Variants in PFKP observed in about 807,000 individuals in gnomAD.
The protein encoded by PFKP is ATP-dependent 6-phosphofructokinase, platelet type.
PFKP carries 101 observed loss-of-function variants against 94.3 expected under a neutral mutation model. The ratio of observed to expected loss-of-function variants is 1.07; its 90% CI spans 0.91 to 1.26. The LOEUF is 1.26. PFKP is among the 50% of genes most tolerant of loss of function. PFKP has a pLI of 0.00. For synonymous variants in PFKP, 573 were observed against 432.6 expected, an observed-to-expected ratio of 1.32 and a Z score of -4.03; for missense variants, 1,145 against 1,103.3, an observed-to-expected ratio of 1.04 and a Z score of -0.53.
chr10:3,091,635 C>T (rs1210018180), intron 2 of PFKP, among the ~76,000 whole-genome samples: 8 of 152,004 alleles, frequency 5.3e-5, no homozygotes, highest in South Asian at 4.2e-4. Context: ...GCCAACATGA[C>T]GAAACTCCGT....
rs978177809 is a variant in PFKP at position 3,088,977 on chromosome 10, G to A, written c.186+6516G>A. Among the ~76,000 whole-genome samples, 8 of 152,188 alleles carry A rather than the reference G, an allele frequency of 5.3e-5. No individual in the cohort carries two copies. The Middle Eastern group carries it at 0.01, about 194-fold the overall frequency. ...TACAGAGTTTTGCTCTGTTGCCCAG[G>A]CTGGAGTGCAATGGCCCAGTCTTCG... On this transcript the variant is annotated intron_variant, in intron 2 of 21. Transcript: ENST00000381125.
intron 1 of PFKP, among the ~76,000 whole-genome samples, chr10:3,081,901 A>G (rs948193960): frequency 1.4e-5 from 2 of 144,194 alleles, no homozygotes; most frequent in African/African-American, 2.6e-5. Context: ...AGGTATGGTT[A>G]TTTGTAATAT....
At chr10:3,079,455 C>A (rs899329125) in intron 1 of PFKP, among the ~76,000 whole-genome samples, 4 of 151,956 alleles carry the variant, frequency 2.6e-5, no homozygotes, top group Non-Finnish European at 5.9e-5. Flanking sequence ...AGGATGGTCT[C>A]GATCTCCTGA....
intron 16 of PFKP, among the ~76,000 whole-genome samples, chr10:3,126,328 TG>T (rs1259111713): frequency 2.6e-5 from 4 of 152,216 alleles, no homozygotes; most frequent in Non-Finnish European, 5.9e-5. Context: ...AGTGCTGTGG[TG>T]GTCTTGCAGA....
rs904532509 is a variant in PFKP, at chr10:3,116,918, G to A, written c.1442+72G>A. The A allele has an allele frequency of 6.2e-5, 74 of 1,191,556 alleles. No individual in the cohort carries two copies. In the African/African-American group the frequency reaches 9.6e-4, roughly 15 times the overall value. The allele number at this position is 1,191,556 out of a possible 1,614,324, so 73.8% of individuals were successfully genotyped here. A position where few individuals can be genotyped will look rare whatever the true frequency, so the allele number is the denominator to read the frequency against. ...AAGAGCCGTGTTCTGGGAGAGAATC[G>A]CTGGGTGCCGACGCCAGTTGGATTC... On this transcript the variant is annotated intron_variant, in intron 14 of 21. Transcript: ENST00000381125.
chr10:3,131,087 C>G (rs1308315952), intron 17 of PFKP, among the ~76,000 whole-genome samples: 4 of 151,828 alleles, frequency 2.6e-5, no homozygotes, highest in African/African-American at 7.2e-5. Flanking sequence ...AAAAACATAT[C>G]TTTTTACATA....
At position 3,107,167 on chromosome 10, in the gene PFKP, A is replaced by G. The variant is rs768495217; in HGVS notation, c.775-47A>G. ...CTGTGGTTTTGTTGCATTTGTTGCT[A>G]AGAACAGGATTAGGAATTTGAGAGC... is the stretch of plus-strand genomic sequence containing the variant. On this transcript the variant is annotated intron_variant, in intron 7 of 21. Coordinates refer to ENST00000381125, the MANE Select transcript of PFKP (RefSeq NM_002627.5). 1.2e-5 allele frequency: 14 copies of G among 1,175,180 alleles called. No homozygotes were observed. The South Asian group carries it at 1.2e-4, about 10-fold the overall frequency. The allele number at this position is 1,175,180 out of a possible 1,614,324, so 72.8% of individuals were successfully genotyped here. A position where few individuals can be genotyped will look rare whatever the true frequency, so the allele number is the denominator to read the frequency against.
At chr10:3,117,169 CGTGGAGAT>C (rs2131625684) in intron 14 of PFKP, among the ~76,000 whole-genome samples, 1 of 152,260 alleles carries the variant, frequency 6.6e-6, no homozygotes, top group Admixed American at 6.5e-5. Context: ...GTCACGGAGC[CGTGGAGAT>C]GGCACTCTAA....
intron 20 of PFKP, 124 bp downstream of exon 20, chr10:3,134,706 CG>C: frequency 1.6e-6 from 1 of 636,324 alleles, no homozygotes; most frequent in East Asian, 2.5e-5. Context: ...CTGAGCTGCA[CG>C]TGATGTTTTA....
chr10:3,117,607 G>A (rs574402054), intron 14 of PFKP, among the ~76,000 whole-genome samples: 1 of 152,290 alleles, frequency 6.6e-6, no homozygotes, highest in Non-Finnish European at 1.5e-5. Context: ...TGGGATGGTG[G>A]GAGCCTCGGA....
intron 1 of PFKP, chr10:3,069,465 G>T: frequency 7.3e-7 from 1 of 1,360,898 alleles, no homozygotes; most frequent in South Asian, 1.3e-5. Context: ...GAAGCAGAGG[G>T]AGCACCTTGA....
In PFKP at chr10:3,069,271, C is replaced by T. The variant is rs560826711; in HGVS notation, c.112+1564C>T. On this transcript the variant is annotated intron_variant, in intron 1 of 21. Coordinates refer to ENST00000381125, the MANE Select transcript of PFKP (RefSeq NM_002627.5). ...GACCCCAGCATCAACGTTCTTCCTG[C>T]AGGGCTGGGTTCTCAGAGAAAGAAA... 9.1e-4 allele frequency: 1,351 copies of T among 1,482,848 alleles called. 4 individuals are homozygous for T. Among genetic ancestry groups the T allele is most frequent in the Middle Eastern group, 9.1e-3 (52 of 5,722 alleles). The allele number at this position is 1,482,848 out of a possible 1,614,324, so 91.9% of individuals were successfully genotyped here.
chr10:3,099,774 C>A lies in PFKP; in HGVS notation c.264+422C>A, dbSNP rs550539190. Among the ~76,000 whole-genome samples the A allele has an allele frequency of 2.6e-5, 4 of 152,052 alleles. No individual in the cohort carries two copies. In the East Asian group the frequency reaches 7.7e-4, roughly 29 times the overall value. Reference sequence around the variant, plus strand: ...CACACAGGGGAGCGTTTCCATTCTGCGGTCGTGATTGACGGAGGAAGATAA... The same window carrying A: ...CACACAGGGGAGCGTTTCCATTCTGAGGTCGTGATTGACGGAGGAAGATAA... On this transcript the variant is annotated intron_variant, in intron 3 of 21. Coordinates refer to ENST00000381125, the MANE Select transcript of PFKP (RefSeq NM_002627.5).
At chr10:3,068,675 C>T in intron 1 of PFKP, 3 of 985,152 alleles carry the variant, frequency 3.0e-6, no homozygotes, top group Non-Finnish European at 3.6e-6. Flanking sequence ...GCGCCCCAGG[C>T]CCCGGGTGCA....
intron 2 of PFKP, among the ~76,000 whole-genome samples, chr10:3,084,635 T>C (rs10795001): frequency 0.94 from 142,381 of 151,068 alleles, 67,121 homozygotes; most frequent in Middle Eastern, 0.98. Context: ...CTGGCCCTGG[T>C]GGCAGCTGCC....
At chr10:3,109,751 G>C (rs1835980504) in intron 10 of PFKP, among the ~76,000 whole-genome samples, 1 of 152,166 alleles carries the variant, frequency 6.6e-6, no homozygotes, top group Non-Finnish European at 1.5e-5. Flanking sequence ...GGGGTCTAGA[G>C]CATCGGGATC....
At chr10:3,124,360 G>GT (rs1837716383) in intron 16 of PFKP, among the ~76,000 whole-genome samples, 1 of 152,222 alleles carries the variant, frequency 6.6e-6, no homozygotes, top group Non-Finnish European at 1.5e-5. Flanking sequence ...TGTGACTTTG[G>GT]TTAACACCCT....
rs1335098560 is a variant in PFKP, at chr10:3,107,324, C to G, written c.870+15C>G. The G allele has an allele frequency of 2.4e-5, 36 of 1,493,728 alleles. No individual in the cohort carries two copies. Among genetic ancestry groups the G allele is most frequent in the Non-Finnish European group, 3.3e-5 (35 of 1,071,078 alleles). The allele number at this position is 1,493,728 out of a possible 1,614,324, so 92.5% of individuals were successfully genotyped here. On this transcript the variant is annotated intron_variant, in intron 8 of 21. Coordinates refer to ENST00000381125, the MANE Select transcript of PFKP (RefSeq NM_002627.5). Reference sequence around the variant, plus strand: ...AAATCAAAGAGGTGAGTGTGTGTAGCTGCTCACTTTCTCTCGGTTTCTGCC... The same window carrying G: ...AAATCAAAGAGGTGAGTGTGTGTAGGTGCTCACTTTCTCTCGGTTTCTGCC...
At chr10:3,121,803 C>CTTTTCTTTCTTTTTTTTTTTTTTTTTT (rs1564339123) in intron 16 of PFKP, among the ~76,000 whole-genome samples, 2 of 32,626 alleles carry the variant, frequency 6.1e-5, no homozygotes, top group South Asian at 1.4e-3. Flanking sequence ...CTTTTTTTTT[C>CTTTTCTTTCTTTTTTTTTTTTTTTTTT]TTTTTTTTTT....
Sources: gnomAD v4.1 joint callset for allele counts (sites outside exome capture counted in the v4.1 genomes callset) on GRCh38, gnomAD v4.1.1 for gene constraint, MANE v1.5 for transcripts, NCBI Gene and HGNC (gene_info 2026-07-23, HGNC 2026-07-21) for gene names.